Variants in PCYOX1 observed in about 807,000 individuals in gnomAD.
PCYOX1 encodes prenylcysteine lyase.
A neutral mutation model predicts 46.4 loss-of-function variants in PCYOX1; 46 were observed. The ratio of observed to expected loss-of-function variants is 0.99; its 90% confidence interval spans 0.78 to 1.27. The LOEUF is 1.27. Ranked by LOEUF, PCYOX1 falls within the 50% of genes most tolerant of loss-of-function variation. The probability of loss-of-function intolerance (pLI) is 0.00; values close to 1 mark genes in which losing one functional copy is unlikely to be tolerated. For missense variants in PCYOX1, 658 were observed against 628.3 expected (o/e 1.05, Z -0.51); for synonymous variants, 220 against 231.8 (o/e 0.95, Z 0.46).
chr2:70,276,287 A>G (rs1337254600), intron 5 of PCYOX1, among the ~76,000 whole-genome samples: 1 of 151,284 alleles, frequency 6.6e-6, no homozygotes, highest in Non-Finnish European at 1.5e-5. Context: ...CTCCTGCCTC[A>G]GCGTCCCGAG....
At position 70,279,529 on chromosome 2, in the gene PCYOX1, T is replaced by C. The variant is rs558677356; in HGVS notation, c.*2137T>C. 1 of 152,356 alleles carries C rather than the reference T, an allele frequency of 6.6e-6. No homozygotes were observed. The highest frequency in any genetic ancestry group is 2.1e-4 in the South Asian group (1 of 4,826). The allele number at this position is 152,356 out of a possible 1,614,324, so 9.4% of individuals were successfully genotyped here. On this transcript the variant is annotated 3_prime_UTR_variant, in exon 6 of 6. Transcript: ENST00000433351. ...GCTCACGCCTGTAATCCCAGCACTTTGGGAGGCCAAGGCAAACGGATCACG... is the reference window on the plus strand; with the variant it reads ...GCTCACGCCTGTAATCCCAGCACTTCGGGAGGCCAAGGCAAACGGATCACG...
Position 70,277,291 on chromosome 2 carries a change from G to C in PCYOX1, c.1417G>C (p.Ala473Pro). 6.2e-7 allele frequency: 1 copy of C among 1,614,084 alleles called. No homozygotes were observed. Among genetic ancestry groups the C allele is most frequent in the Non-Finnish European group, 8.5e-7 (1 of 1,180,002 alleles). ...AAGTGCCATGGAGATGAGTGCCATT[G>C]CAGCCCACAACGCTGCACTCCTTGC... ...AASAMEMSAI[A>P]AHNAALLAYH... is the part of the protein sequence containing the mutation. The change falls in exon 6 of 6, where the codon GCA (alanine) becomes CCA (proline). Residue 473 changes from alanine (A) to proline (P), a missense_variant. Coordinates refer to ENST00000433351, the MANE Select transcript of PCYOX1 (RefSeq NM_016297.4).
intron 3 of PCYOX1, among the ~76,000 whole-genome samples, chr2:70,273,586 T>C (rs1696630592): frequency 1.3e-5 from 2 of 152,256 alleles, no homozygotes; most frequent in Admixed American, 6.5e-5. Context: ...TATTTTCATA[T>C]ACTTATCTCT....
At position 70,261,208 on chromosome 2, in the gene PCYOX1, G is replaced by C. The variant is rs1184220816; in HGVS notation, c.320-4G>C. 1 of 1,601,212 alleles carries C rather than the reference G, an allele frequency of 6.2e-7. No homozygotes were observed. The highest frequency in any genetic ancestry group is 8.5e-7 in the Non-Finnish European group (1 of 1,169,770). ...TGACTTAGCTGTGCTTTATGTTTTT[G>C]CAGGTCTCTCTGCTGTTCAGGCCTC... On this transcript the variant is annotated splice_region_variant and splice_polypyrimidine_tract_variant and intron_variant, in intron 2 of 5. Coordinates refer to ENST00000433351, the MANE Select transcript of PCYOX1 (RefSeq NM_016297.4).
intron 1 of PCYOX1, among the ~76,000 whole-genome samples, chr2:70,259,152 GTTAA>G (rs1214098953): frequency 6.6e-6 from 1 of 152,192 alleles, no homozygotes; most frequent in South Asian, 2.1e-4. Context: ...ATGTCAATAT[GTTAA>G]TTAATCTACT....
In PCYOX1 at chr2:70,275,654, A is replaced by T; in HGVS notation, c.847A>T (p.Thr283Ser). 2 of 1,613,716 alleles carry T rather than the reference A, an allele frequency of 1.2e-6. No homozygotes were observed. Among genetic ancestry groups the T allele is most frequent in the Non-Finnish European group, 1.7e-6 (2 of 1,179,888 alleles). ...AATGTACATCGAGGAGAAAACAAAG[A>T]CCAAGTACACAGGTAAGCTTGAATT... is the stretch of plus-strand genomic sequence containing the variant. Reference protein sequence around the residue: ...SVMYIEEKTKTKYTGNPTKMY... With the variant: ...SVMYIEEKTKSKYTGNPTKMY... The change falls in exon 5 of 6, where the codon ACC becomes TCC. Residue 283 changes from threonine to serine, a missense_variant. Transcript: ENST00000433351.
At chr2:70,274,101 CTG>C (rs1400964416) in intron 3 of PCYOX1, among the ~76,000 whole-genome samples, 1 of 151,918 alleles carries the variant, frequency 6.6e-6, no homozygotes, top group East Asian at 1.9e-4. Flanking sequence ...CCAGTGGAGA[CTG>C]TGCATGTGTG....
chr2:70,269,787 GAA>G (rs1184034694), intron 3 of PCYOX1, among the ~76,000 whole-genome samples: 4 of 152,052 alleles, frequency 2.6e-5, no homozygotes, highest in Non-Finnish European at 2.9e-5. Flanking sequence ...AGTGAACTTT[GAA>G]TCAGGTCGAA....
chr2:70,264,164 C>T (rs1169424486), intron 3 of PCYOX1, among the ~76,000 whole-genome samples: 2 of 151,432 alleles, frequency 1.3e-5, no homozygotes, highest in Non-Finnish European at 2.9e-5. Flanking sequence ...GAGGTTTGGC[C>T]ATGTTGCCCA....
At chr2:70,269,491 A>AT (rs1463905355) in intron 3 of PCYOX1, among the ~76,000 whole-genome samples, 7 of 151,598 alleles carry the variant, frequency 4.6e-5, no homozygotes, top group Non-Finnish European at 1.5e-5. Context: ...ATGCACCACC[A>AT]ACCCTGGCTA....
chr2:70,274,880 T>G (rs953954828), intron 3 of PCYOX1, 79 bp from the exon 4 acceptor site: 1 of 908,768 alleles, frequency 1.1e-6, no homozygotes, highest in Non-Finnish European at 1.8e-6. Flanking sequence ...TTGATTCTTA[T>G]GACGCCACTT....
intron 3 of PCYOX1, among the ~76,000 whole-genome samples, chr2:70,273,799 T>A (rs1034291304): frequency 5.9e-5 from 9 of 152,208 alleles, no homozygotes; most frequent in Non-Finnish European, 1.3e-4. Context: ...TTGGGTGATA[T>A]TTTTCTTTTT....
chr2:70,277,021 A>G lies in PCYOX1; in HGVS notation c.1147A>G (p.Ile383Val), dbSNP rs372017809. The change falls in exon 6 of 6, where the codon ATT becomes GTT. Residue 383 changes from isoleucine (I) to valine (V), a missense_variant. Transcript: ENST00000433351. The stretch of plus-strand genomic sequence containing the variant: ...TAATTCAGATTTGTTCATTAACAGT[A>G]TTGGGATTGTGCCCTCTGTGAGAGA... ...TDNSDLFINS[I>V]GIVPSVREKE... 2 of 1,613,936 alleles carry G rather than the reference A, an allele frequency of 1.2e-6. No homozygotes were observed. The highest frequency in any genetic ancestry group is 1.3e-5 in the African/African-American group (1 of 75,050).
chr2:70,262,518 C>T (rs539534013), intron 3 of PCYOX1, among the ~76,000 whole-genome samples: 4 of 121,594 alleles, frequency 3.3e-5, no homozygotes, highest in South Asian at 2.7e-4. Flanking sequence ...TTTGCTCTGT[C>T]GCCCGGGCTG....
intron 3 of PCYOX1, among the ~76,000 whole-genome samples, chr2:70,267,902 C>T (rs1696550577): frequency 6.6e-6 from 1 of 152,120 alleles, no homozygotes; most frequent in Non-Finnish European, 1.5e-5. Flanking sequence ...GCCTCCGCCT[C>T]CTGGGTTCAA....
At chr2:70,273,536 A>G (rs924531516) in intron 3 of PCYOX1, among the ~76,000 whole-genome samples, 1 of 152,200 alleles carries the variant, frequency 6.6e-6, no homozygotes, top group African/African-American at 2.4e-5. Flanking sequence ...TTTCCCTTCC[A>G]TGATCAGTGA....
intron 3 of PCYOX1, among the ~76,000 whole-genome samples, chr2:70,265,213 T>C (rs1573978822): frequency 6.6e-6 from 1 of 150,540 alleles, no homozygotes; most frequent in East Asian, 1.9e-4. Flanking sequence ...TTTTTTTTTT[T>C]TTTTTTTGAG....
At chr2:70,275,466 C>T in intron 4 of PCYOX1, 48 bp from the exon 5 acceptor site, 1 of 1,581,378 alleles carries the variant, frequency 6.3e-7, no homozygotes, top group Non-Finnish European at 8.7e-7. Context: ...GGTAGAGAGC[C>T]TCTTACAAAA....
At chr2:70,268,745 A>G (rs936834913) in intron 3 of PCYOX1, among the ~76,000 whole-genome samples, 22 of 151,374 alleles carry the variant, frequency 1.5e-4, no homozygotes, top group African/African-American at 5.3e-4. Context: ...GGTTGCAGTG[A>G]GCCATTGCAC....
Sources: gnomAD v4.1 joint callset for allele counts (sites outside exome capture counted in the v4.1 genomes callset) on GRCh38, gnomAD v4.1.1 for gene constraint, MANE v1.5 for transcripts, NCBI Gene and HGNC (gene_info 2026-07-23, HGNC 2026-07-21) for gene names.